Variants in SOCS5 observed in about 807,000 individuals in gnomAD.
SOCS5 encodes the protein CIS-6.
Under a neutral mutation model 42.8 loss-of-function variants are expected in SOCS5, and 32 were observed. That is an observed-to-expected ratio of 0.75 (90% confidence interval 0.56 to 1.01). The LOEUF (loss-of-function observed/expected upper bound fraction) is 1.01, where lower values mean the gene tolerates loss of function less well. SOCS5 is among the 50% of genes least tolerant of loss of function. The pLI is 0.00. For synonymous variants in SOCS5, 283 were observed against 229.6 expected (o/e 1.23, Z -2.10); for missense variants, 627 against 653.0 (o/e 0.96, Z 0.43).
At position 46,759,469 on chromosome 2, in the gene SOCS5, C is replaced by T. The variant is rs777795071; in HGVS notation, c.939C>T (p.Asp313=). ...LAPGMTEISG[D]SSAIPQANCD... ...CTGGAATGACTGAAATAAGTGGGGA[C>T]AGTTCTGCAATTCCACAAGCTAATT... Residue 313 remains aspartate, a synonymous_variant, in exon 2 of 2, where the codon GAC becomes GAT. Transcript: ENST00000394861. 6.2e-7 allele frequency: 1 copy of T among 1,613,858 alleles called. No individual in the cohort carries two copies. Among genetic ancestry groups the T allele is most frequent in the Non-Finnish European group, 8.5e-7 (1 of 1,179,866 alleles).
At chr2:46,717,226 G>A (rs536399304) in intron 1 of SOCS5, among the ~76,000 whole-genome samples, 61 of 152,228 alleles carry the variant, frequency 4.0e-4, no homozygotes, top group East Asian at 1.2e-3. Context: ...GCTCTGTCAC[G>A]TCAGCTTAGT....
At chr2:46,737,315 A>T (rs1380234287) in intron 1 of SOCS5, among the ~76,000 whole-genome samples, 1 of 152,244 alleles carries the variant, frequency 6.6e-6, no homozygotes, top group Non-Finnish European at 1.5e-5. Context: ...TGGAGATTTT[A>T]TCATGACTGG....
intron 1 of SOCS5, among the ~76,000 whole-genome samples, chr2:46,705,831 T>C (rs1267002546): frequency 6.6e-6 from 1 of 152,212 alleles, no homozygotes; most frequent in Non-Finnish European, 1.5e-5. Flanking sequence ...GCTGACTCCA[T>C]GTGCTGTTCC....
chr2:46,716,052 T>G (rs1471057), intron 1 of SOCS5, among the ~76,000 whole-genome samples: 54 of 150,894 alleles, frequency 3.6e-4, no homozygotes, highest in African/African-American at 1.3e-3. Context: ...TGTTAATAGC[T>G]TCTTTGTCTA....
intron 1 of SOCS5, among the ~76,000 whole-genome samples, chr2:46,710,411 T>G (rs999711573): frequency 6.6e-6 from 1 of 152,114 alleles, no homozygotes; most frequent in African/African-American, 2.4e-5. Context: ...TCCCAAAGTG[T>G]TGGGATTACA....
At chr2:46,720,314 A>G (rs912469634) in intron 1 of SOCS5, among the ~76,000 whole-genome samples, 8 of 152,076 alleles carry the variant, frequency 5.3e-5, no homozygotes, top group Non-Finnish European at 8.8e-5. Flanking sequence ...ATTGCTGGGA[A>G]CTGTACTGCT....
In SOCS5 at chr2:46,756,490, C is replaced by T. The variant is rs147296402; in HGVS notation, c.-12-2029C>T. Among the ~76,000 whole-genome samples, 4 of 151,902 alleles carry T rather than the reference C, an allele frequency of 2.6e-5. No individual in the cohort carries two copies. In the South Asian group the frequency reaches 8.3e-4, roughly 31 times the overall value. ...AAAACAGGCCACAGGCCAGATTTGG[C>T]CTTCAGGCTTTGGTTTGCTGGCCCT... On this transcript the variant is annotated intron_variant, in intron 1 of 1. Transcript: ENST00000394861.
At chr2:46,738,766 C>A (rs1028600434) in intron 1 of SOCS5, among the ~76,000 whole-genome samples, 45 of 151,980 alleles carry the variant, frequency 3.0e-4, no homozygotes, top group African/African-American at 1.1e-3. Context: ...AATTTTTTTC[C>A]CATTAGCATC....
rs1673861233 is a variant in SOCS5 at position 46,761,190 on chromosome 2, T to G, written c.*1049T>G. ...AAATCTGAAACCTAAATTGCAGATTTAAAAGGTACTGTACAACCATTATAT... is the reference window on the plus strand; with the variant it reads ...AAATCTGAAACCTAAATTGCAGATTGAAAAGGTACTGTACAACCATTATAT... On this transcript the variant is annotated 3_prime_UTR_variant, in exon 2 of 2. Transcript: ENST00000394861. 1 of 167,130 alleles carries G rather than the reference T, an allele frequency of 6.0e-6. No individual in the cohort carries two copies. The highest frequency in any genetic ancestry group is 1.5e-5 in the Non-Finnish European group (1 of 68,120). The allele number at this position is 167,130 out of a possible 1,614,324, so 10.4% of individuals were successfully genotyped here.
chr2:46,739,908 A>C (rs1242090908), intron 1 of SOCS5, among the ~76,000 whole-genome samples: 1 of 152,212 alleles, frequency 6.6e-6, no homozygotes, highest in African/African-American at 2.4e-5. Flanking sequence ...TAATATTGAA[A>C]AACGCAGCTG....
intron 1 of SOCS5, among the ~76,000 whole-genome samples, chr2:46,740,208 C>A (rs143724941): frequency 6.6e-6 from 1 of 152,126 alleles, no homozygotes; most frequent in Non-Finnish European, 1.5e-5. Flanking sequence ...CTTACCTTAC[C>A]TGGCCATAGG....
At chr2:46,710,332 A>G (rs902246247) in intron 1 of SOCS5, among the ~76,000 whole-genome samples, 2 of 152,022 alleles carry the variant, frequency 1.3e-5, no homozygotes, top group Non-Finnish European at 2.9e-5. Flanking sequence ...TTTTTAGTAG[A>G]GATGGGGTTT....
chr2:46,759,596 G>T lies in SOCS5; in HGVS notation c.1066G>T (p.Ala356Ser). The change falls in exon 2 of 2, where the codon GCT becomes TCT. Residue 356 changes from alanine (A) to serine (S), a missense_variant. Around this residue, in one of 3 missense-constraint regions of SOCS5, gnomAD observed 340 missense variants for 367.6 expected, o/e 0.92. Transcript: ENST00000394861. ...DSHTHVSRQG[A>S]WKVHTQIDYI... is the part of the protein sequence containing the mutation. ...CCATACCCATGTTAGCAGACAGGGA[G>T]CTTGGAAAGTCCACACACAGATTGA... 4 of 1,613,974 alleles carry T rather than the reference G, an allele frequency of 2.5e-6. No individual in the cohort carries two copies. The highest frequency in any genetic ancestry group is 3.4e-6 in the Non-Finnish European group (4 of 1,179,864).
intron 1 of SOCS5, among the ~76,000 whole-genome samples, chr2:46,725,172 T>C (rs1045602401): frequency 5.3e-5 from 8 of 152,088 alleles, no homozygotes; most frequent in Admixed American, 3.3e-4. Context: ...GATAATGATA[T>C]AGCCAGTTCA....
At chr2:46,712,640 C>T (rs752515517) in intron 1 of SOCS5, among the ~76,000 whole-genome samples, 1 of 152,164 alleles carries the variant, frequency 6.6e-6, no homozygotes, top group South Asian at 2.1e-4. Context: ...CTGTGCCCGG[C>T]CTGTTCAGCT....
intron 1 of SOCS5, among the ~76,000 whole-genome samples, chr2:46,719,916 A>G (rs932559874): frequency 6.6e-5 from 10 of 152,188 alleles, no homozygotes; most frequent in Non-Finnish European, 1.2e-4. Context: ...TTCTATTCTA[A>G]ACAGATTTAT....
In SOCS5 at chr2:46,699,732, G is replaced by A. The variant is rs1244106124; in HGVS notation, c.-13+283G>A. On this transcript the variant is annotated intron_variant, in intron 1 of 1. Transcript: ENST00000394861. This position sits in a 1 kb window ranked among gnomAD's most constrained non-coding sequence, Gnocchi z 4.8. ...GCATTTCTGTGGAATTGTTTTTCTG[G>A]TTGGAGGAACGTGGGGTTCCTAAGG... Among the ~76,000 whole-genome samples, 1 of 152,166 alleles carries A rather than the reference G, an allele frequency of 6.6e-6. No individual in the cohort carries two copies. The highest frequency in any genetic ancestry group is 1.5e-5 in the Non-Finnish European group (1 of 68,022).
intron 1 of SOCS5, among the ~76,000 whole-genome samples, chr2:46,737,643 G>A (rs11901688): frequency 0.018 from 2,813 of 152,222 alleles, 71 homozygotes; most frequent in African/African-American, 0.06. Context: ...CAAGCTTTCA[G>A]ATAATTCATG....
intron 1 of SOCS5, among the ~76,000 whole-genome samples, chr2:46,702,663 CTTCA>C (rs1022103950): frequency 6.6e-6 from 1 of 152,160 alleles, no homozygotes; most frequent in African/African-American, 2.4e-5. Flanking sequence ...ATTTTGATGA[CTTCA>C]TTCATTAAGC....
Sources: gnomAD v4.1 joint callset for allele counts (sites outside exome capture counted in the v4.1 genomes callset) on GRCh38, gnomAD v4.1.1 for gene constraint, gnomAD v4.1.1 regional missense constraint, Gnocchi (gnomAD v3.1) non-coding constraint, MANE v1.5 for transcripts, NCBI Gene and HGNC (gene_info 2026-07-23, HGNC 2026-07-21) for gene names.